Variants in GPR55 observed in about 807,000 individuals in gnomAD.
The protein encoded by GPR55 is G-protein coupled receptor 55.
In GPR55, 6 loss-of-function variants were observed where a neutral mutation model predicts 7.9. That is an observed-to-expected ratio of 0.76 (90% CI 0.41 to 1.49). The LOEUF is 1.49. GPR55 is among the 40% of genes most tolerant of loss of function. The pLI is 0.01. For missense variants in GPR55, 376 were observed against 406.0 expected (o/e 0.93, Z 0.63); for synonymous variants, 183 against 166.8 (o/e 1.10, Z -0.75).
At chr2:230,930,463 C>CTTT in intron 1 of GPR55, among the ~76,000 whole-genome samples, 1 of 141,352 alleles carries the variant, frequency 7.1e-6, no homozygotes. Flanking sequence ...TTCTTTCTTT[C>CTTT]TTTTTTTTTT....
chr2:230,917,878 T>C (rs926882687), intron 1 of GPR55, among the ~76,000 whole-genome samples: 1 of 151,800 alleles, frequency 6.6e-6, no homozygotes, highest in Non-Finnish European at 1.5e-5. Flanking sequence ...AAGTGAGAAC[T>C]ACAAAACTAA....
chr2:230,933,585 C>A (rs113059114), intron 1 of GPR55, among the ~76,000 whole-genome samples: 6,785 of 152,326 alleles, frequency 0.045, 218 homozygotes, highest in Non-Finnish European at 0.063. Context: ...ACTAGAGCAA[C>A]CTCCTTTCAT....
chr2:230,935,210 G>C (rs1436820882), intron 1 of GPR55, among the ~76,000 whole-genome samples: 1 of 152,146 alleles, frequency 6.6e-6, no homozygotes, highest in East Asian at 1.9e-4. Flanking sequence ...TTTAGTTCAG[G>C]CTGCCTGGAA....
intron 1 of GPR55, among the ~76,000 whole-genome samples, chr2:230,915,658 C>T (rs1199464176): frequency 3.9e-5 from 6 of 152,148 alleles, no homozygotes. Context: ...CTCCCAGAGG[C>T]CCTGCTGACA....
At chr2:230,950,887 C>G (rs1335102755) in intron 1 of GPR55, among the ~76,000 whole-genome samples, 3 of 152,084 alleles carry the variant, frequency 2.0e-5, no homozygotes, top group Non-Finnish European at 4.4e-5. Context: ...AGAAGGAACG[C>G]TGACATCATG....
chr2:230,954,066 C>G (rs935708929), intron 1 of GPR55, among the ~76,000 whole-genome samples: 1 of 152,248 alleles, frequency 6.6e-6, no homozygotes, highest in African/African-American at 2.4e-5. Flanking sequence ...ATCAACGGAC[C>G]TTGTCTTGCC....
intron 1 of GPR55, chr2:230,957,591 C>G: frequency 2.3e-6 from 1 of 434,930 alleles, no homozygotes; most frequent in Non-Finnish European, 4.7e-6. Flanking sequence ...GGAGTCGTCC[C>G]CGTGGCCGCC....
chr2:230,935,389 A>G (rs959544081), intron 1 of GPR55, among the ~76,000 whole-genome samples: 2 of 152,196 alleles, frequency 1.3e-5, no homozygotes, highest in Non-Finnish European at 2.9e-5. Context: ...ATTACCAGGA[A>G]GTCTTTCCTT....
chr2:230,923,470 T>G lies in GPR55; in HGVS notation c.-135+1698A>C, dbSNP rs1690882142. Among the ~76,000 whole-genome samples the G allele has an allele frequency of 6.6e-6, 1 of 152,078 alleles. No individual in the cohort carries two copies. Among genetic ancestry groups the G allele is most frequent in the Non-Finnish European group, 1.5e-5 (1 of 68,028 alleles). Reference sequence around the variant, plus strand: ...CGTATCCACCAGTAACACCATAGTGTGAATAAAGTCATCCGCCTGTGCCTG... The same window carrying G: ...CGTATCCACCAGTAACACCATAGTGGGAATAAAGTCATCCGCCTGTGCCTG... On this transcript the variant is annotated intron_variant, in intron 1 of 1. Coordinates refer to ENST00000650999, the MANE Select transcript of GPR55 (RefSeq NM_005683.4). This position sits in a 1 kb window ranked among gnomAD's most constrained non-coding sequence, Gnocchi z 4.1.
chr2:230,918,277 TTAG>T (rs764733676), intron 1 of GPR55, among the ~76,000 whole-genome samples: 30 of 152,062 alleles, frequency 2.0e-4, no homozygotes, highest in African/African-American at 5.8e-4. Flanking sequence ...TTAAGCTGAG[TTAG>T]AGAGGAGAGC....
chr2:230,932,893 G>A (rs994469691), intron 1 of GPR55, among the ~76,000 whole-genome samples: 22 of 152,056 alleles, frequency 1.4e-4, no homozygotes, highest in Non-Finnish European at 2.5e-4. Flanking sequence ...TCTTGCATGC[G>A]CTCGCTCTCT....
intron 1 of GPR55, among the ~76,000 whole-genome samples, chr2:230,950,299 C>T (rs529081470): frequency 9.8e-5 from 15 of 152,324 alleles, no homozygotes; most frequent in African/African-American, 3.6e-4. Context: ...GCTGGACAGA[C>T]CTTGTTCAGC....
At chr2:230,926,704 T>C (rs1362058705), upstream of GPR55, among the ~76,000 whole-genome samples, 2 of 147,978 alleles carry the variant, frequency 1.4e-5, no homozygotes, top group African/African-American at 5.0e-5. Flanking sequence ...TTTTTTTTTT[T>C]TTTGATACAG....
rs139504935 is a variant in GPR55, at chr2:230,948,538, G to C, written c.-135+12237C>G. ...GAACCTACTTTCTCTCGTTGCCTTT[G>C]AGGCTTTGTTTCCAGGCAGAGCCAG... On this transcript the variant is annotated intron_variant, in intron 1 of 1. Coordinates refer to the GPR55 transcript ENST00000392039. Among the ~76,000 whole-genome samples, 364 of 152,326 alleles carry C rather than the reference G, an allele frequency of 2.4e-3. 4 individuals are homozygous for C. The highest frequency in any genetic ancestry group is 8.5e-3 in the African/African-American group (353 of 41,580).
intron 1 of GPR55, among the ~76,000 whole-genome samples, chr2:230,934,954 G>A (rs190598028): frequency 5.9e-5 from 9 of 152,126 alleles, no homozygotes; most frequent in Admixed American, 2.0e-4. Flanking sequence ...TGCTGACTGC[G>A]CCCAGGGTGC....
At chr2:230,926,166 C>CAAATT (rs1690937551), upstream of GPR55, among the ~76,000 whole-genome samples, 2 of 152,326 alleles carry the variant, frequency 1.3e-5, no homozygotes, top group Middle Eastern at 3.4e-3. Flanking sequence ...ATTCATCCAA[C>CAAATT]ACATGGGTCC....
Position 230,910,520 on chromosome 2 carries a change from A to G in GPR55, c.443T>C (p.Leu148Pro). 6.2e-7 allele frequency: 1 copy of G among 1,614,184 alleles called. No homozygotes were observed. The highest frequency in any genetic ancestry group is 8.5e-7 in the Non-Finnish European group (1 of 1,179,994). The change falls in exon 2 of 2, where the codon CTG becomes CCG. Residue 148 changes from leucine (L) to proline (P), a missense_variant. By Grantham distance (98) the Leu-to-Pro change is moderately conservative. Transcript: ENST00000650999. The surrounding 1 kb of genome is among the most constrained non-coding windows in gnomAD (Gnocchi z 5.4). ...IFGICCTIWV[L>P]VWTGSIPIYS... ...GATAGGGATGCTTCCGGTCCACACCAGGACCCAGATGGTGCAGCAGATCCC... is the reference window on the plus strand; with the variant it reads ...GATAGGGATGCTTCCGGTCCACACCGGGACCCAGATGGTGCAGCAGATCCC...
At chr2:230,948,470 G>A (rs922892734) in intron 1 of GPR55, among the ~76,000 whole-genome samples, 1 of 152,156 alleles carries the variant, frequency 6.6e-6, no homozygotes, top group Admixed American at 6.5e-5. Flanking sequence ...ACCAAAAAGA[G>A]AAGGAAAAAT....
chr2:230,934,898 C>A (rs1184111587), intron 1 of GPR55, among the ~76,000 whole-genome samples: 1 of 152,142 alleles, frequency 6.6e-6, no homozygotes, highest in Non-Finnish European at 1.5e-5. Context: ...GGGCATTGTC[C>A]TGTTGGGTTG....
Sources: gnomAD v4.1 joint callset for allele counts (sites outside exome capture counted in the v4.1 genomes callset) on GRCh38, gnomAD v4.1.1 for gene constraint, Gnocchi (gnomAD v3.1) non-coding constraint, MANE v1.5 for transcripts, NCBI Gene and HGNC (gene_info 2026-07-23, HGNC 2026-07-21) for gene names.